CYFIP1: variants seen among roughly 807,000 people sequenced by gnomAD.
The protein encoded by CYFIP1 is cytoplasmic FMR1 interacting protein 1, also known as cytoplasmic FMR1-interacting protein 1.
CYFIP1 carries 58 observed loss-of-function variants against 163.5 expected under a neutral mutation model. The ratio of observed to expected loss-of-function variants is 0.35; its 90% CI spans 0.29 to 0.44. The LOEUF (loss-of-function observed/expected upper bound fraction) is 0.44, where lower values mean the gene tolerates loss of function less well. Ranked by LOEUF, CYFIP1 falls within the 20% of genes least tolerant of loss-of-function variation. The pLI is 1.00. For missense variants in CYFIP1, 1,338 were observed against 1,653.8 expected (o/e 0.81, Z 3.31); for synonymous variants, 663 against 660.7 (o/e 1.00, Z -0.05).
intron 1 of CYFIP1, among the ~76,000 whole-genome samples, chr15:22,970,579 G>A (rs1226928952): frequency 1.3e-5 from 2 of 152,100 alleles, no homozygotes; most frequent in African/African-American, 4.8e-5. Context: ...GTGTGGCACT[G>A]GCATAAAGAA....
chr15:22,870,827 A>C (rs561719438), intron 30 of CYFIP1, among the ~76,000 whole-genome samples: 1 of 152,304 alleles, frequency 6.6e-6, no homozygotes, highest in East Asian at 1.9e-4. Context: ...GTCAACTAAC[A>C]CAAGTTTTAG....
intron 23 of CYFIP1, among the ~76,000 whole-genome samples, chr15:22,888,970 A>G (rs2059995567): frequency 6.6e-6 from 1 of 151,878 alleles, no homozygotes; most frequent in African/African-American, 2.4e-5. Context: ...GAATCACAAT[A>G]ATCACTGGAG....
At chr15:22,904,645 G>A (rs946397878) in intron 21 of CYFIP1, 17 of 152,164 alleles carry the variant, frequency 1.1e-4, no homozygotes, top group African/African-American at 3.1e-4. Context: ...TTCAAATTAC[G>A]GATCTGACTT....
intron 1 of CYFIP1, among the ~76,000 whole-genome samples, chr15:22,948,212 T>C (rs753272714): frequency 3.0e-4 from 45 of 152,054 alleles, no homozygotes; most frequent in Non-Finnish European, 5.0e-4. Context: ...AGTGGCAGTG[T>C]GGAGAGGAAG....
intron 1 of CYFIP1, among the ~76,000 whole-genome samples, chr15:22,965,217 G>A (rs943498580): frequency 2.6e-5 from 4 of 152,222 alleles, no homozygotes; most frequent in African/African-American, 9.6e-5. Context: ...CCAACACTTT[G>A]AGAGGCCAAG....
At chr15:22,904,154 A>AC (rs775115397) in intron 21 of CYFIP1, 2 of 570,046 alleles carry the variant, frequency 3.5e-6, no homozygotes, top group Non-Finnish European at 6.3e-6. Flanking sequence ...GCTGTCCAGC[A>AC]CCCTGTGGGG....
chr15:22,966,720 G>A (rs1212358919), intron 1 of CYFIP1, among the ~76,000 whole-genome samples: 1 of 144,574 alleles, frequency 6.9e-6, no homozygotes, highest in Non-Finnish European at 1.5e-5. Flanking sequence ...TCAACTAAGA[G>A]TCTGCACCCA....
rs1252101735 is a variant in CYFIP1, at chr15:22,933,898, A to G, written c.901-5T>C. 6.2e-7 allele frequency: 1 copy of G among 1,601,278 alleles called. No individual in the cohort carries two copies. The highest frequency in any genetic ancestry group is 1.1e-5 in the South Asian group (1 of 89,654). On this transcript the variant is annotated splice_region_variant and splice_polypyrimidine_tract_variant and intron_variant, in intron 9 of 30. Transcript: ENST00000617928. ...TAGCGGAACCACCTGGAGTTGCTGT[A>G]TTCAAAGAACAAAAAAATAGAGTCA...
chr15:22,895,827 A>C (rs1428373243), intron 22 of CYFIP1, among the ~76,000 whole-genome samples: 1 of 152,174 alleles, frequency 6.6e-6, no homozygotes, highest in East Asian at 1.9e-4. Flanking sequence ...CCACAGCCCA[A>C]GTGAGCGCCC....
intron 1 of CYFIP1, among the ~76,000 whole-genome samples, chr15:22,977,814 A>T (rs1391505929): frequency 6.6e-6 from 1 of 151,602 alleles, no homozygotes; most frequent in Non-Finnish European, 1.5e-5. Context: ...CTGGGCAACA[A>T]GAGCAAAACC....
At chr15:22,934,162 T>A (rs1595646400) in intron 9 of CYFIP1, among the ~76,000 whole-genome samples, 1 of 117,252 alleles carries the variant, frequency 8.5e-6, no homozygotes, top group East Asian at 2.6e-4. Context: ...AAAAAAAAAA[T>A]CACTGCATTT....
intron 13 of CYFIP1, among the ~76,000 whole-genome samples, chr15:22,925,019 G>A (rs2061313201): frequency 6.6e-6 from 1 of 151,950 alleles, no homozygotes; most frequent in South Asian, 2.1e-4. Flanking sequence ...CCAAAACAGT[G>A]GTTTTTAACA....
In CYFIP1 at chr15:22,893,043, A is replaced by G. The variant is rs1039379240; in HGVS notation, c.2589-66T>C. On this transcript the variant is annotated intron_variant, in intron 22 of 30. Coordinates refer to ENST00000617928, the MANE Select transcript of CYFIP1 (RefSeq NM_014608.6). ...TAACAATAGTTCTTTAAAATTCAGA[A>G]GTCCTCCATAATCCATCTACTAAAT... The G allele has an allele frequency of 2.9e-5, 34 of 1,189,252 alleles. 1 individual carries two copies. The highest frequency in any genetic ancestry group is 3.8e-5 in the Non-Finnish European group (31 of 813,838). 73.7% of individuals were successfully genotyped at this position (1,189,252 alleles called of 1,614,324 possible).
chr15:22,936,698 C>T (rs1021911580), intron 9 of CYFIP1, among the ~76,000 whole-genome samples: 7 of 152,252 alleles, frequency 4.6e-5, no homozygotes, highest in East Asian at 1.9e-4. Context: ...TGTTTGGACG[C>T]GCCAAAACTT....
chr15:22,903,485 C>T (rs373534505), intron 22 of CYFIP1, among the ~76,000 whole-genome samples: 6 of 152,186 alleles, frequency 3.9e-5, no homozygotes, highest in East Asian at 1.9e-4. Context: ...TGCAGCCCCA[C>T]GCAAGCCCCA....
At chr15:22,933,918 G>C (rs1403359199) in intron 9 of CYFIP1, 25 bp from the exon 10 acceptor site, 2 of 1,526,192 alleles carry the variant, frequency 1.3e-6, no homozygotes, top group East Asian at 4.5e-5. Context: ...CAAAAAAATA[G>C]AGTCATTATG....
intron 25 of CYFIP1, among the ~76,000 whole-genome samples, chr15:22,881,190 C>G (rs1178115291): frequency 6.6e-6 from 1 of 152,184 alleles, no homozygotes; most frequent in African/African-American, 2.4e-5. Context: ...CCCATCAGGA[C>G]AGTGCCTCGT....
intron 6 of CYFIP1, among the ~76,000 whole-genome samples, chr15:22,941,484 T>C (rs1438652322): frequency 1.3e-5 from 2 of 152,124 alleles, no homozygotes; most frequent in African/African-American, 2.4e-5. Context: ...TATCTTGGCA[T>C]TGACACTTAA....
At chr15:22,920,815 T>C (rs1217487699) in intron 13 of CYFIP1, among the ~76,000 whole-genome samples, 1 of 152,200 alleles carries the variant, frequency 6.6e-6, no homozygotes, top group Non-Finnish European at 1.5e-5. Context: ...GGAAAACTGA[T>C]GATTTTATAT....
Sources: allele counts gnomAD v4.1 joint callset (sites outside exome capture counted in the v4.1 genomes callset), GRCh38; gene constraint gnomAD v4.1.1; transcripts MANE v1.5; gene names NCBI Gene and HGNC (gene_info 2026-07-23, HGNC 2026-07-21).